Variants in PDE4D observed in about 807,000 individuals in gnomAD.
PDE4D encodes the protein 3',5'-cyclic-AMP phosphodiesterase 4D.
A neutral mutation model predicts 87.4 loss-of-function variants in PDE4D; 24 were observed. That is an observed-to-expected ratio of 0.27 (90% CI 0.20 to 0.39). The LOEUF (loss-of-function observed/expected upper bound fraction) is 0.39, where lower values mean the gene tolerates loss of function less well. Ranked by LOEUF, PDE4D falls within the 10% of genes least tolerant of loss-of-function variation. The probability of loss-of-function intolerance (pLI) is 1.00; values close to 1 mark genes in which losing one functional copy is unlikely to be tolerated. For synonymous variants in PDE4D, 384 were observed against 383.2 expected, an observed-to-expected ratio of 1.00 and a Z score of -0.02; for missense variants, 714 against 1,041.0, an observed-to-expected ratio of 0.69 and a Z score of 4.32.
At chr5:60,022,063 T>C (rs981476700) in intron 2 of PDE4D, among the ~76,000 whole-genome samples, 1 of 152,158 alleles carries the variant, frequency 6.6e-6, no homozygotes, top group African/African-American at 2.4e-5. Context: ...CCCTCCTCTT[T>C]GGACATGGAG....
intron 1 of PDE4D, among the ~76,000 whole-genome samples, chr5:59,762,854 G>T (rs1580968226): frequency 9.7e-5 from 5 of 51,682 alleles, no homozygotes; most frequent in Admixed American, 4.2e-4. Context: ...ACTGCTTAAG[G>T]ATATATATAT....
intron 1 of PDE4D, among the ~76,000 whole-genome samples, chr5:59,850,720 A>G (rs1198260676): frequency 2.6e-5 from 4 of 151,996 alleles, no homozygotes; most frequent in Non-Finnish European, 5.9e-5. Flanking sequence ...GGGAGGAGTC[A>G]TGGCTTTAAG....
At chr5:59,682,898 T>C (rs1158596288) in intron 1 of PDE4D, among the ~76,000 whole-genome samples, 1 of 152,170 alleles carries the variant, frequency 6.6e-6, no homozygotes, top group Non-Finnish European at 1.5e-5. Flanking sequence ...TGTCATGAAA[T>C]AGTCTTTCAC....
intron 5 of PDE4D, among the ~76,000 whole-genome samples, chr5:59,153,474 A>C (rs1779731879): frequency 6.6e-6 from 1 of 152,104 alleles, no homozygotes; most frequent in African/African-American, 2.4e-5. Context: ...CTTTCAAGTT[A>C]CTCCCTTCTG....
At chr5:59,171,874 A>G (rs1394520610) in intron 5 of PDE4D, among the ~76,000 whole-genome samples, 29 of 109,802 alleles carry the variant, frequency 2.6e-4, no homozygotes, top group African/African-American at 1.2e-3. Flanking sequence ...TATTTATATG[A>G]GAAATATATT....
intron 2 of PDE4D, among the ~76,000 whole-genome samples, chr5:59,200,107 G>A (rs1338641431): frequency 7.1e-6 from 1 of 141,030 alleles, no homozygotes; most frequent in South Asian, 2.2e-4. Context: ...ATACATGTAT[G>A]CACACACATA....
At chr5:59,176,509 C>T (rs1483968081) in intron 5 of PDE4D, among the ~76,000 whole-genome samples, 2 of 151,124 alleles carry the variant, frequency 1.3e-5, no homozygotes, top group African/African-American at 2.4e-5. Context: ...AGCCTCAGAT[C>T]GCGCCACTGC....
At chr5:59,883,925 CT>C (rs201461126) in intron 1 of PDE4D, among the ~76,000 whole-genome samples, 3 of 151,808 alleles carry the variant, frequency 2.0e-5, no homozygotes, top group East Asian at 1.9e-4. Context: ...CAATCCTTTG[CT>C]TTTTTTGGGG....
At chr5:59,799,304 A>T (rs1236953773) in intron 1 of PDE4D, among the ~76,000 whole-genome samples, 1 of 152,178 alleles carries the variant, frequency 6.6e-6, no homozygotes. Flanking sequence ...TTTTATGAAG[A>T]GGTATTTTAT....
At chr5:59,007,412 T>A (rs758269621) in intron 6 of PDE4D, among the ~76,000 whole-genome samples, 5 of 152,090 alleles carry the variant, frequency 3.3e-5, no homozygotes, top group Non-Finnish European at 5.9e-5. Flanking sequence ...AAGTTAAACT[T>A]CAAGTATTAA....
At chr5:59,229,599 T>C (rs27188) in intron 1 of PDE4D, among the ~76,000 whole-genome samples, 54,265 of 151,890 alleles carry the variant, frequency 0.36, 11,261 homozygotes, top group East Asian at 0.73. Context: ...TTTTGAATTT[T>C]ACAAAACCTA....
At chr5:59,750,702 G>A (rs974778039) in intron 1 of PDE4D, among the ~76,000 whole-genome samples, 2 of 152,044 alleles carry the variant, frequency 1.3e-5, no homozygotes, top group Non-Finnish European at 2.9e-5. Flanking sequence ...TTGGAAGGCC[G>A]AGGCTGGAGA....
chr5:60,492,888 T>TA (rs915367488), upstream of PDE4D, among the ~76,000 whole-genome samples: 19 of 111,114 alleles, frequency 1.7e-4, no homozygotes, highest in South Asian at 5.5e-4. Context: ...ACTTAAAGTA[T>TA]AAAAAAAAAA....
intron 1 of PDE4D, among the ~76,000 whole-genome samples, chr5:59,293,654 T>C (rs1220299894): frequency 1.3e-5 from 2 of 152,174 alleles, no homozygotes; most frequent in Non-Finnish European, 2.9e-5. Context: ...AATAACCAAA[T>C]GCATTTTTTC....
At chr5:59,619,013 T>C (rs1021516272) in intron 1 of PDE4D, among the ~76,000 whole-genome samples, 2 of 152,188 alleles carry the variant, frequency 1.3e-5, no homozygotes, top group African/African-American at 4.8e-5. Flanking sequence ...TTAGGTATTT[T>C]GTTATAGCAA....
intron 1 of PDE4D, among the ~76,000 whole-genome samples, chr5:60,511,711 GCTA>G (rs972981836): frequency 6.6e-6 from 1 of 151,766 alleles, no homozygotes; most frequent in African/African-American, 2.4e-5. Context: ...AAGGAACAGA[GCTA>G]CTATTCCAGC....
At chr5:59,854,127 C>A (rs960850699) in intron 1 of PDE4D, among the ~76,000 whole-genome samples, 3 of 152,020 alleles carry the variant, frequency 2.0e-5, no homozygotes, top group African/African-American at 7.2e-5. Flanking sequence ...CAATGTATAT[C>A]TTAACCAAGA....
At chr5:60,346,706 T>C (rs1191227825) in intron 1 of PDE4D, among the ~76,000 whole-genome samples, 2 of 152,130 alleles carry the variant, frequency 1.3e-5, no homozygotes, top group Non-Finnish European at 2.9e-5. Context: ...AGAGTCTCGG[T>C]TTTTATATCT....
At chr5:60,370,185 C>T (rs977935234) in intron 1 of PDE4D, among the ~76,000 whole-genome samples, 1 of 152,144 alleles carries the variant, frequency 6.6e-6, no homozygotes, top group African/African-American at 2.4e-5. Flanking sequence ...GCTCCTGCCC[C>T]AGAGGCCTCT....
Sources: gnomAD v4.1 joint callset for allele counts (sites outside exome capture counted in the v4.1 genomes callset) on GRCh38, gnomAD v4.1.1 for gene constraint, MANE v1.5 for transcripts, NCBI Gene and HGNC (gene_info 2026-07-23, HGNC 2026-07-21) for gene names.